POLN: variants seen among roughly 807,000 people sequenced by gnomAD.
The protein encoded by POLN is DNA polymerase N.
In POLN, 108 loss-of-function variants were observed where a neutral mutation model predicts 113.5. The observed-to-expected ratio is 0.95, with a 90% CI of 0.81 to 1.12. POLN has a LOEUF of 1.12. POLN is among the 50% of genes most tolerant of loss of function. The pLI, the probability that POLN is intolerant of heterozygous loss-of-function variation, is 0.00. For synonymous variants in POLN, 386 were observed against 391.5 expected, an observed-to-expected ratio of 0.99 and a Z score of 0.17; for missense variants, 1,097 against 1,077.1, an observed-to-expected ratio of 1.02 and a Z score of -0.26.
At chr4:2,221,033 G>A (rs889694024) in intron 3 of POLN, among the ~76,000 whole-genome samples, 2 of 152,070 alleles carry the variant, frequency 1.3e-5, no homozygotes, top group Admixed American at 1.3e-4. Flanking sequence ...CAAGACAGAA[G>A]CTCTCCATTG....
intron 23 of POLN, chr4:2,080,713 T>G: frequency 7.2e-7 from 1 of 1,396,558 alleles, no homozygotes; most frequent in Non-Finnish European, 9.3e-7. Context: ...GGAGGAGGGG[T>G]CTGGGGGAGA....
chr4:2,120,202 T>G (rs1731406932), intron 19 of POLN, among the ~76,000 whole-genome samples: 2 of 152,250 alleles, frequency 1.3e-5, no homozygotes, highest in African/African-American at 4.8e-5. Flanking sequence ...TCCCATTTTA[T>G]TTTCTTCAAA....
intron 3 of POLN, among the ~76,000 whole-genome samples, chr4:2,216,821 T>C (rs1734124585): frequency 6.6e-6 from 1 of 152,200 alleles, no homozygotes; most frequent in Admixed American, 6.5e-5. Flanking sequence ...CAGTGTTTGG[T>C]CTCTGTTGCT....
At chr4:2,108,500 C>T (rs1731120971) in intron 19 of POLN, among the ~76,000 whole-genome samples, 1 of 152,140 alleles carries the variant, frequency 6.6e-6, no homozygotes, top group African/African-American at 2.4e-5. Flanking sequence ...GAGAATGCTC[C>T]TGGGTACAGA....
At chr4:2,095,155 A>G (rs1350054959) in intron 20 of POLN, among the ~76,000 whole-genome samples, 1 of 150,928 alleles carries the variant, frequency 6.6e-6, no homozygotes, top group African/African-American at 2.4e-5. Context: ...GGAAGAGAGT[A>G]GAAGGCCTGC....
chr4:2,208,052 G>A lies in POLN; in HGVS notation c.649C>T (p.Gln217Ter), dbSNP rs770351758. ...ACAGTTATCACCAGGGCTGCTGCCT[G>A]TTTGAGCATTTCAATCAGCTGGCTT... Reference protein sequence around the residue: ...AKSQLIEMLKQAAALVITVMY... With the variant: ...AKSQLIEMLK Residue 217 changes from glutamine (Q) to a stop codon, truncating the protein, a stop_gained, in exon 5 of 26, where the codon CAG becomes TAG. Coordinates refer to ENST00000511885, the MANE Select transcript of POLN (RefSeq NM_181808.4). LOFTEE classifies it high-confidence loss of function. The A allele has an allele frequency of 1.2e-6, 2 of 1,614,196 alleles. No homozygotes were observed. The highest frequency in any genetic ancestry group is 3.3e-5 in the Admixed American group (2 of 60,024).
chr4:2,078,256 G>A (rs1317252090), intron 23 of POLN, among the ~76,000 whole-genome samples: 1 of 152,228 alleles, frequency 6.6e-6, no homozygotes, highest in Non-Finnish European at 1.5e-5. Flanking sequence ...AGAAGAGACA[G>A]ACAGGACAGC....
chr4:2,135,056 C>T (rs775306703), intron 16 of POLN, among the ~76,000 whole-genome samples: 9 of 152,192 alleles, frequency 5.9e-5, no homozygotes, highest in Admixed American at 2.6e-4. Flanking sequence ...AAAATGAACT[C>T]GCACACAAAT....
At chr4:2,110,947 T>C (rs1348336464) in intron 19 of POLN, among the ~76,000 whole-genome samples, 2 of 152,186 alleles carry the variant, frequency 1.3e-5, no homozygotes, top group East Asian at 1.9e-4. Flanking sequence ...AAAAAGAGAA[T>C]TGTAGACCAA....
intron 7 of POLN, 67 bp downstream of exon 7, chr4:2,193,137 C>G: frequency 8.1e-7 from 1 of 1,227,198 alleles, no homozygotes; most frequent in Non-Finnish European, 1.2e-6. Context: ...CCTCACCATT[C>G]TCCCATTCAT....
intron 8 of POLN, among the ~76,000 whole-genome samples, chr4:2,176,863 C>T (rs1391205308): frequency 6.6e-6 from 1 of 152,124 alleles, no homozygotes; most frequent in African/African-American, 2.4e-5. Flanking sequence ...AGATGTGTCC[C>T]TCAATACAGA....
intron 16 of POLN, among the ~76,000 whole-genome samples, chr4:2,149,368 G>C (rs1732232695): frequency 6.6e-6 from 1 of 151,938 alleles, no homozygotes; most frequent in Non-Finnish European, 1.5e-5. Context: ...ATGAAATAAA[G>C]ACATTTCCAG....
intron 8 of POLN, among the ~76,000 whole-genome samples, chr4:2,177,554 C>A (rs1371519084): frequency 6.6e-6 from 1 of 152,240 alleles, no homozygotes; most frequent in Non-Finnish European, 1.5e-5. Context: ...AACAGAACTG[C>A]ATCTGAGGCT....
chr4:2,231,971 A>C (rs1734595282), intron 2 of POLN: 2 of 1,465,518 alleles, frequency 1.4e-6, no homozygotes, highest in South Asian at 2.4e-5. Context: ...TGAGTTTCTA[A>C]ATTCTCCACA....
rs550809600 is a variant in POLN at position 2,176,351 on chromosome 4, G to A, written c.1180-17C>T. 1 of 1,567,158 alleles carries A rather than the reference G, an allele frequency of 6.4e-7. No homozygotes were observed. The highest frequency in any genetic ancestry group is 1.4e-5 in the African/African-American group (1 of 72,450). On this transcript the variant is annotated splice_polypyrimidine_tract_variant and intron_variant, in intron 8 of 25. Coordinates refer to ENST00000511885, the MANE Select transcript of POLN (RefSeq NM_181808.4). ...ATTCTGATTCTTTAAAAGAGCAAAA[G>A]TATTTTTAAAAATCAGATAAACTTG...
intron 16 of POLN, among the ~76,000 whole-genome samples, chr4:2,149,669 C>T (rs1258760977): frequency 6.6e-6 from 1 of 152,120 alleles, no homozygotes; most frequent in Non-Finnish European, 1.5e-5. Context: ...ATCTGTGGTC[C>T]TAGCTACTCT....
At chr4:2,194,423 T>C (rs1733525788) in intron 6 of POLN, among the ~76,000 whole-genome samples, 1 of 152,170 alleles carries the variant, frequency 6.6e-6, no homozygotes, top group African/African-American at 2.4e-5. Context: ...TTTTGCACTT[T>C]GTGTGATTTC....
At position 2,193,141 on chromosome 4, in the gene POLN, C is replaced by T. The variant is rs1462602025; in HGVS notation, c.1021+63G>A. The T allele has an allele frequency of 1.3e-5, 16 of 1,250,504 alleles. No individual in the cohort carries two copies. The East Asian group carries it at 2.8e-4, about 22-fold the overall frequency. 77.5% of individuals were successfully genotyped at this position (1,250,504 alleles called of 1,614,324 possible). On this transcript the variant is annotated intron_variant, in intron 7 of 25. Coordinates refer to ENST00000511885, the MANE Select transcript of POLN (RefSeq NM_181808.4). ...GACATGGCTGCCCTCACCATTCTCC[C>T]ATTCATAGGAGGAGTCACAGTTGAA... is the stretch of plus-strand genomic sequence containing the variant.
intron 16 of POLN, among the ~76,000 whole-genome samples, chr4:2,134,247 T>C (rs912712035): frequency 6.6e-6 from 1 of 152,248 alleles, no homozygotes; most frequent in Admixed American, 6.5e-5. Context: ...ACAGTTTATT[T>C]ATCTATTCAC....
Sources: gnomAD v4.1 joint callset for allele counts (sites outside exome capture counted in the v4.1 genomes callset) on GRCh38, gnomAD v4.1.1 for gene constraint, MANE v1.5 for transcripts, NCBI Gene and HGNC (gene_info 2026-07-23, HGNC 2026-07-21) for gene names.